The following DMD variants were observed in gnomAD, a reference collection of about 807,000 sequenced individuals.
The protein encoded by DMD is mutant dystrophin.
In DMD, 63 loss-of-function variants were observed where a neutral mutation model predicts 330.1. The ratio of observed to expected loss-of-function variants is 0.19; its 90% CI spans 0.16 to 0.24. DMD has a LOEUF of 0.24. Among genes scored for constraint, DMD ranks in the 10% least tolerant of loss-of-function variants. The pLI is 1.00. For missense variants in DMD, 3,344 were observed against 2,684.1 expected (o/e 1.25, Z -5.43); for synonymous variants, 1,223 against 959.8 (o/e 1.27, Z -5.07).
At chrX:31,461,824 T>C (rs758363309) in intron 59 of DMD, among the ~76,000 whole-genome samples, 1 of 111,732 alleles carries the variant, frequency 8.9e-6, no homozygotes, top group Non-Finnish European at 1.9e-5. Context: ...CAGGGGACAC[T>C]TTACCTAACC....
At chrX:32,030,711 T>C (rs149458195) in intron 44 of DMD, among the ~76,000 whole-genome samples, 4,155 of 111,837 alleles carry the variant, frequency 0.037, 71 homozygotes, top group Non-Finnish European at 0.06. Context: ...TAATACCTTA[T>C]AGCATGGCTA....
chrX:32,818,209 T>A (rs964178680), intron 5 of DMD, among the ~76,000 whole-genome samples: 2 of 111,859 alleles, frequency 1.8e-5, no homozygotes, highest in Non-Finnish European at 1.9e-5. Context: ...CAATGATGAA[T>A]GTGATTCATT....
At chrX:32,312,740 G>A (rs1264382407) in intron 41 of DMD, among the ~76,000 whole-genome samples, 1 of 106,378 alleles carries the variant, frequency 9.4e-6, no homozygotes, top group African/African-American at 3.4e-5. Flanking sequence ...TGATAAAGGG[G>A]ATATCACCAC....
At chrX:32,778,530 C>T (rs185037942) in intron 7 of DMD, among the ~76,000 whole-genome samples, 94 of 112,011 alleles carry the variant, frequency 8.4e-4, no homozygotes, top group Non-Finnish European at 1.4e-3. Context: ...TTTTATCTTA[C>T]AGCTGAGTAG....
At chrX:32,393,050 G>A (rs2098015279) in intron 30 of DMD, among the ~76,000 whole-genome samples, 1 of 112,355 alleles carries the variant, frequency 8.9e-6, no homozygotes, top group African/African-American at 3.2e-5. Flanking sequence ...AAAACCATTA[G>A]TGGGAATAAT....
chrX:32,761,621 C>G (rs777710768), intron 7 of DMD, among the ~76,000 whole-genome samples: 1 of 111,388 alleles, frequency 9.0e-6, no homozygotes, highest in Admixed American at 9.6e-5. Context: ...GTGTGTATGG[C>G]GAGTGCAGCT....
rs141428080 is a variant in DMD at position 31,510,002 on chromosome X, A to C, written c.8218-2549T>G. On this transcript the variant is annotated intron_variant, in intron 55 of 78. Transcript: ENST00000357033. The stretch of plus-strand genomic sequence containing the variant: ...TCCTTTAGAAATGCAGAAATGGCTA[A>C]AGTTATCTTAGCATTGGCAAGAAGA... Among the ~76,000 whole-genome samples the C allele has an allele frequency of 2.7e-5, 3 of 112,371 alleles. No individual in the cohort carries two copies. In the East Asian group the frequency reaches 8.4e-4, roughly 31 times the overall value.
chrX:32,468,640 G>A lies in DMD; in HGVS notation c.3020C>T (p.Ser1007Leu), dbSNP rs144732570. ...GCTAATTTCAGAGGGCGCTTTCTTCGACATCTCTTTCACAGTGGTGCTGAG... is the reference window on the plus strand; with the variant it reads ...GCTAATTTCAGAGGGCGCTTTCTTCAACATCTCTTTCACAGTGGTGCTGAG... ...YYLSTTVKEMSKKAPSEISRK... is the reference protein window; with the variant it reads ...YYLSTTVKEMLKKAPSEISRK... Residue 1007 changes from serine (S) to leucine (L), a missense_variant, in exon 23 of 79, where the codon TCG becomes TTG. Physicochemically the swap from Ser to Leu is moderately radical, Grantham distance 145. Transcript: ENST00000357033. The A allele has an allele frequency of 1.0e-4, 123 of 1,209,150 alleles. No homozygotes were observed. The African/African-American group carries it at 1.8e-3, about 18-fold the overall frequency.
intron 1 of DMD, among the ~76,000 whole-genome samples, chrX:33,322,498 C>T (rs2054030575): frequency 9.0e-6 from 1 of 111,426 alleles, no homozygotes; most frequent in African/African-American, 3.3e-5. Context: ...ACAATAGTAA[C>T]TTCAAAGATC....
chrX:31,714,469 ATTATC>A (rs1302615415), intron 52 of DMD, among the ~76,000 whole-genome samples: 25 of 111,927 alleles, frequency 2.2e-4, no homozygotes, highest in African/African-American at 7.8e-4. Flanking sequence ...GCATTATTAT[ATTATC>A]TTAAGATTCC....
At chrX:32,140,901 C>A (rs1265923922) in intron 44 of DMD, among the ~76,000 whole-genome samples, 2 of 111,105 alleles carry the variant, frequency 1.8e-5, no homozygotes, top group African/African-American at 6.6e-5. Context: ...GGGGACACAG[C>A]CAAACCATAT....
At chrX:32,682,998 T>C (rs1445824250) in intron 9 of DMD, among the ~76,000 whole-genome samples, 2 of 111,660 alleles carry the variant, frequency 1.8e-5, no homozygotes, top group Non-Finnish European at 3.8e-5. Context: ...CACATTGGAA[T>C]GAAAAAGTTA....
chrX:31,806,701 C>T lies in DMD; in HGVS notation c.7309+13274G>A, dbSNP rs1013861318. 2.7e-5 allele frequency among the ~76,000 whole-genome samples: 3 copies of T among 112,430 alleles called. No individual in the cohort carries two copies. In the South Asian group the frequency reaches 1.1e-3, roughly 41 times the overall value. On this transcript the variant is annotated intron_variant, in intron 50 of 78. Transcript: ENST00000357033. ...CCACTCATTCATCTCAATCCACTTG[C>T]ATCCATGGCCTTGCTCACACTGGGT...
At chrX:32,411,080 A>G (rs754493227) in intron 30 of DMD, among the ~76,000 whole-genome samples, 8 of 111,881 alleles carry the variant, frequency 7.2e-5, no homozygotes, top group Non-Finnish European at 3.8e-5. Flanking sequence ...CTAAACGAGG[A>G]GTTTATAATA....
chrX:32,831,351 T>A lies in DMD; in HGVS notation c.265-7964A>T, dbSNP rs766544034. Reference sequence around the variant, plus strand: ...TATTGATATATTCAAGATTTAAGAATACTTAAGAAAAACTTAAGATGAAAG... The same window carrying A: ...TATTGATATATTCAAGATTTAAGAAAACTTAAGAAAAACTTAAGATGAAAG... On this transcript the variant is annotated intron_variant, in intron 4 of 78. Coordinates refer to ENST00000357033, the MANE Select transcript of DMD (RefSeq NM_004006.3). Among the ~76,000 whole-genome samples the A allele has an allele frequency of 2.2e-3, 243 of 111,293 alleles. 1 individual carries two copies. The highest frequency in any genetic ancestry group is 7.5e-3 in the African/African-American group (232 of 30,798).
At chrX:32,647,656 G>A (rs901480899) in intron 9 of DMD, among the ~76,000 whole-genome samples, 1 of 111,733 alleles carries the variant, frequency 8.9e-6, no homozygotes, top group African/African-American at 3.3e-5. Context: ...CTGTAAAATG[G>A]GAACAATAAT....
At chrX:31,314,237 C>T (rs1294121278) in intron 62 of DMD, among the ~76,000 whole-genome samples, 1 of 112,394 alleles carries the variant, frequency 8.9e-6, no homozygotes, top group Non-Finnish European at 1.9e-5. Flanking sequence ...AGTAGGCACA[C>T]ATTAAACTTT....
chrX:32,350,254 C>T (rs1000868620), intron 37 of DMD, among the ~76,000 whole-genome samples: 10 of 111,017 alleles, frequency 9.0e-5, no homozygotes, highest in Non-Finnish European at 1.3e-4. Flanking sequence ...CAATTTTCTA[C>T]GAATTTAACA....
intron 1 of DMD, among the ~76,000 whole-genome samples, chrX:33,308,422 G>A (rs932312601): frequency 3.6e-4 from 40 of 111,805 alleles, no homozygotes; most frequent in African/African-American, 1.1e-3. Flanking sequence ...TCAATTAATC[G>A]TCTAACTTTA....
Sources: gnomAD v4.1 joint callset for allele counts (sites outside exome capture counted in the v4.1 genomes callset) on GRCh38, gnomAD v4.1.1 for gene constraint, MANE v1.5 for transcripts, NCBI Gene and HGNC (gene_info 2026-07-23, HGNC 2026-07-21) for gene names.